ANXA11: variants seen among roughly 807,000 people sequenced by gnomAD.
The protein encoded by ANXA11 is 56 kDa autoantigen.
A neutral mutation model predicts 64.7 loss-of-function variants in ANXA11; 57 were observed. That is an observed-to-expected ratio of 0.88 (90% CI 0.71 to 1.10). The LOEUF is 1.10. Among genes scored for constraint, ANXA11 ranks in the 50% least tolerant of loss-of-function variants. The pLI, the probability that ANXA11 is intolerant of heterozygous loss-of-function variation, is 0.00. For missense variants in ANXA11, 675 were observed against 670.7 expected (o/e 1.01, Z -0.07); for synonymous variants, 260 against 265.2 (o/e 0.98, Z 0.19).
intron 1 of ANXA11, 130 bp downstream of exon 1, chr10:80,205,213 T>C (rs1230466174): frequency 6.8e-6 from 1 of 147,120 alleles, no homozygotes; most frequent in African/African-American, 2.5e-5. Context: ...CCCACGCCTG[T>C]AGTGCAACCA....
At position 80,164,091 on chromosome 10, in the gene ANXA11, T is replaced by C. The variant is rs747613477; in HGVS notation, c.911A>G (p.Asn304Ser). ...CLIEILASRS[N>S]EHIRELNRAY... ...TCTGTTTAATTCTCGGATGTGCTCATTGCTGCGGGAAGCGAGGATCTCAAT... is the reference window on the plus strand; with the variant it reads ...TCTGTTTAATTCTCGGATGTGCTCACTGCTGCGGGAAGCGAGGATCTCAAT... Residue 304 changes from asparagine (N) to serine (S), a missense_variant, in exon 9 of 16, where the codon AAT becomes AGT. Physicochemically the swap from Asn to Ser is conservative, Grantham distance 46. Coordinates refer to ENST00000422982, the MANE Select transcript of ANXA11 (RefSeq NM_145868.2). 12 of 1,614,032 alleles carry C rather than the reference T, an allele frequency of 7.4e-6. No individual in the cohort carries two copies. Among genetic ancestry groups the C allele is most frequent in the Admixed American group, 6.7e-5 (4 of 60,006 alleles).
At chr10:80,160,866 C>T (rs2091669323) in intron 12 of ANXA11, among the ~76,000 whole-genome samples, 1 of 152,138 alleles carries the variant, frequency 6.6e-6, no homozygotes, top group Non-Finnish European at 1.5e-5. Flanking sequence ...GGCCATTCTC[C>T]CACTGCTTGG....
chr10:80,187,661 CTGT>C (rs1846598771), intron 1 of ANXA11, among the ~76,000 whole-genome samples: 2 of 120,058 alleles, frequency 1.7e-5, no homozygotes, highest in African/African-American at 5.4e-5. Flanking sequence ...ACACAGGTCT[CTGT>C]CTTTGTTTAC....
In ANXA11 at chr10:80,150,978, T is replaced by C. The variant is rs1845148355; in HGVS notation, c.*4875A>G. 6.6e-6 allele frequency: 1 copy of C among 152,200 alleles called. No homozygotes were observed. The highest frequency in any genetic ancestry group is 2.4e-5 in the African/African-American group (1 of 41,452). The allele number at this position is 152,200 out of a possible 1,614,324, so 9.4% of individuals were successfully genotyped here. The stretch of plus-strand genomic sequence containing the variant: ...CCAGAGTTCCCATAAATTTGAGTTT[T>C]TGCCACCTTATTTGCTGCTTTTGTG... On this transcript the variant is annotated 3_prime_UTR_variant, in exon 16 of 16. Transcript: ENST00000422982.
At chr10:80,180,676 C>G (rs1182446879) in intron 1 of ANXA11, among the ~76,000 whole-genome samples, 4 of 151,310 alleles carry the variant, frequency 2.6e-5, no homozygotes, top group African/African-American at 9.8e-5. Context: ...GATCCTTAAC[C>G]TGTTTTTACA....
At position 80,167,215 on chromosome 10, in the gene ANXA11, G is replaced by A; in HGVS notation, c.649+11C>T. On this transcript the variant is annotated intron_variant, in intron 6 of 15. Coordinates refer to ENST00000422982, the MANE Select transcript of ANXA11 (RefSeq NM_145868.2). ...CAGGGAGTAGGATTTGAGCCACCCAGGGTCTCTTACCGAAGCCTTTCATGG... is the reference window on the plus strand; with the variant it reads ...CAGGGAGTAGGATTTGAGCCACCCAAGGTCTCTTACCGAAGCCTTTCATGG... 6.2e-7 allele frequency: 1 copy of A among 1,613,350 alleles called. No homozygotes were observed. Among genetic ancestry groups the A allele is most frequent in the Non-Finnish European group, 8.5e-7 (1 of 1,179,478 alleles).
chr10:80,163,201 G>T lies in ANXA11; in HGVS notation c.1086+148C>A, dbSNP rs151304060. 220 of 840,000 alleles carry T rather than the reference G, an allele frequency of 2.6e-4. No individual in the cohort carries two copies. The East Asian group carries it at 5.4e-3, about 21-fold the overall frequency. 52.0% of individuals were successfully genotyped at this position (840,000 alleles called of 1,614,324 possible). On this transcript the variant is annotated intron_variant, in intron 11 of 15. Coordinates refer to ENST00000422982, the MANE Select transcript of ANXA11 (RefSeq NM_145868.2). Reference sequence around the variant, plus strand: ...ATTACCTGTTCTAGGTCATACAGTTGAACAGTTCAGCGCGTCTGAAACTCA... The same window carrying T: ...ATTACCTGTTCTAGGTCATACAGTTTAACAGTTCAGCGCGTCTGAAACTCA...
intron 12 of ANXA11, among the ~76,000 whole-genome samples, chr10:80,160,718 C>A (rs1457663090): frequency 3.3e-5 from 5 of 152,096 alleles, no homozygotes; most frequent in Non-Finnish European, 7.4e-5. Flanking sequence ...ACTTCAACTA[C>A]CCATAGCTCC....
intron 1 of ANXA11, among the ~76,000 whole-genome samples, chr10:80,199,095 CT>C (rs71482767): frequency 0.074 from 9,818 of 133,456 alleles, 248 homozygotes; most frequent in Middle Eastern, 0.11. Context: ...TCAAGATAAA[CT>C]TTTTTTTTTT....
chr10:80,160,887 C>T (rs1437187126), intron 12 of ANXA11, among the ~76,000 whole-genome samples: 1 of 152,114 alleles, frequency 6.6e-6, no homozygotes, highest in Admixed American at 6.5e-5. Context: ...CCTAAAGAAA[C>T]CCTGTATAAT....
At chr10:80,193,883 C>T (rs55666905) in intron 1 of ANXA11, among the ~76,000 whole-genome samples, 10,882 of 150,892 alleles carry the variant, frequency 0.072, 576 homozygotes, top group South Asian at 0.2. Context: ...AAGTCTCTTG[C>T]TCTGTCACCC....
At chr10:80,164,016 G>C in intron 9 of ANXA11, 37 bp downstream of exon 9, 1 of 1,537,680 alleles carries the variant, frequency 6.5e-7, no homozygotes, top group Non-Finnish European at 9.0e-7. Flanking sequence ...GGGATCTGCA[G>C]AGGGCAGAGG....
intron 4 of ANXA11, among the ~76,000 whole-genome samples, chr10:80,169,676 G>C (rs371912359): frequency 1.1e-4 from 16 of 152,258 alleles, no homozygotes; most frequent in African/African-American, 3.9e-4. Flanking sequence ...AAGAAGGTGC[G>C]TGGGTCCCAT....
intron 1 of ANXA11, among the ~76,000 whole-genome samples, chr10:80,186,136 C>T (rs765582988): frequency 6.6e-6 from 1 of 152,156 alleles, no homozygotes; most frequent in Non-Finnish European, 1.5e-5. Flanking sequence ...CAGTTTTCCC[C>T]ATCTGTAAAA....
chr10:80,171,477 C>T, intron 3 of ANXA11: 2 of 447,432 alleles, frequency 4.5e-6, no homozygotes, highest in Non-Finnish European at 5.9e-6. Context: ...AGGTGAAAAG[C>T]CCGCTCTGAA....
chr10:80,191,708 G>A (rs1304942097), intron 1 of ANXA11, among the ~76,000 whole-genome samples: 2 of 152,212 alleles, frequency 1.3e-5, no homozygotes, highest in African/African-American at 4.8e-5. Flanking sequence ...TGAGTCACCA[G>A]GGGACTTGGG....
chr10:80,157,254 A>G (rs1262154986), intron 15 of ANXA11: 17 of 985,362 alleles, frequency 1.7e-5, no homozygotes, highest in East Asian at 1.1e-4. Context: ...TATGTGGCCT[A>G]CGCCATAAAG....
At chr10:80,162,202 G>GAAAAAGAGCAGAAAGCAGCAATC (rs1188978011) in intron 11 of ANXA11, among the ~76,000 whole-genome samples, 174 bp from the exon 12 acceptor site, 44 of 152,322 alleles carry the variant, frequency 2.9e-4, no homozygotes, top group Non-Finnish European at 4.1e-4. Flanking sequence ...TAGCAGCCCT[G>GAAAAAGAGCAGAAAGCAGCAATC]AAAAAGAGCA....
At position 80,169,270 on chromosome 10, in the gene ANXA11, G is replaced by A. The variant is rs750354161; in HGVS notation, c.260C>T (p.Pro87Leu). The A allele has an allele frequency of 1.5e-5, 24 of 1,611,740 alleles. No homozygotes were observed. The highest frequency in any genetic ancestry group is 4.4e-5 in the South Asian group (4 of 91,006). Residue 87 changes from proline to leucine, a missense_variant, in exon 5 of 16, where the codon CCT becomes CTT. Transcript: ENST00000422982. ...APGAGYPPVP[P>L]GGFGQPPSAQ... ...AGAGGGGGGCTGCCCAAAGCCGCCA[G>A]GGGGCACTGGTGGGTAGCCAGCCCC...
Sources: gnomAD v4.1 joint callset for allele counts (sites outside exome capture counted in the v4.1 genomes callset) on GRCh38, gnomAD v4.1.1 for gene constraint, MANE v1.5 for transcripts, NCBI Gene and HGNC (gene_info 2026-07-23, HGNC 2026-07-21) for gene names.